Variants in CTNND2 observed in about 807,000 individuals in gnomAD.
CTNND2 encodes the protein catenin delta 2, also known as catenin delta-2.
Under a neutral mutation model 144.4 loss-of-function variants are expected in CTNND2, and 22 were observed. The observed-to-expected ratio is 0.15, with a 90% CI of 0.11 to 0.22. CTNND2 has a LOEUF of 0.22. CTNND2 is among the 10% of genes least tolerant of loss of function. The probability of loss-of-function intolerance (pLI) is 1.00; values close to 1 mark genes in which losing one functional copy is unlikely to be tolerated. For missense variants in CTNND2, 1,353 were observed against 1,618.8 expected (o/e 0.84, Z 2.82); for synonymous variants, 751 against 695.6 (o/e 1.08, Z -1.25).
Position 11,236,697 on chromosome 5 carries a change from T to C in CTNND2, c.1755A>G (p.Lys585=). 2 of 1,614,188 alleles carry C rather than the reference T, an allele frequency of 1.2e-6. No individual in the cohort carries two copies. The highest frequency in any genetic ancestry group is 1.7e-6 in the Non-Finnish European group (2 of 1,180,020). The change falls in exon 10 of 22, where the codon AAA becomes AAG. Residue 585 remains lysine, a synonymous_variant. Coordinates refer to ENST00000304623, the MANE Select transcript of CTNND2 (RefSeq NM_001332.4). The stretch of plus-strand genomic sequence containing the variant: ...GAATCCAAGGAGCACTGACCTCGGC[T>C]TTAATTTTGTTGTCTCCAAAACAGA... ...QHLCFGDNKI[K]AEIRRQGGIQ...
chr5:11,256,479 G>A (rs1744263880), intron 9 of CTNND2, among the ~76,000 whole-genome samples: 1 of 152,118 alleles, frequency 6.6e-6, no homozygotes, highest in Non-Finnish European at 1.5e-5. Flanking sequence ...TTCATGCTAA[G>A]TTTAACTCAT....
At chr5:11,467,371 C>T (rs1766779735) in intron 3 of CTNND2, among the ~76,000 whole-genome samples, 1 of 152,222 alleles carries the variant, frequency 6.6e-6, no homozygotes, top group Admixed American at 6.5e-5. Flanking sequence ...GCTCTCTGTC[C>T]TTCTCCCACA....
At chr5:11,404,456 T>C (rs1055431704) in intron 5 of CTNND2, among the ~76,000 whole-genome samples, 2 of 152,022 alleles carry the variant, frequency 1.3e-5, no homozygotes, top group African/African-American at 4.8e-5. Context: ...GGTTAATACA[T>C]ACATTTAACA....
chr5:10,982,515 G>A (rs965049580), intron 20 of CTNND2, among the ~76,000 whole-genome samples: 1 of 152,200 alleles, frequency 6.6e-6, no homozygotes. Context: ...CTTCCTTATG[G>A]GAAACCCTTG....
chr5:11,519,100 G>C (rs1165402403), intron 3 of CTNND2, among the ~76,000 whole-genome samples: 1 of 151,972 alleles, frequency 6.6e-6, no homozygotes, highest in Non-Finnish European at 1.5e-5. Context: ...ATCATTGCAT[G>C]GATGAAGTTA....
chr5:11,696,037 T>C lies in CTNND2; in HGVS notation c.174+36099A>G, dbSNP rs568391059. On this transcript the variant is annotated intron_variant, in intron 2 of 21. Coordinates refer to ENST00000304623, the MANE Select transcript of CTNND2 (RefSeq NM_001332.4). ...CAAATATCTATAATCTACTTTAAAATAGTTAGCATGGATAGTGTGATATTG... is the reference window on the plus strand; with the variant it reads ...CAAATATCTATAATCTACTTTAAAACAGTTAGCATGGATAGTGTGATATTG... Among the ~76,000 whole-genome samples, 519 of 152,326 alleles carry C rather than the reference T, an allele frequency of 3.4e-3. 3 individuals carry two copies. Among genetic ancestry groups the C allele is most frequent in the Non-Finnish European group, 4.7e-3 (320 of 68,022 alleles).
chr5:11,559,997 G>A (rs1776559156), intron 3 of CTNND2, among the ~76,000 whole-genome samples: 1 of 152,066 alleles, frequency 6.6e-6, no homozygotes, highest in Non-Finnish European at 1.5e-5. Context: ...GTTCAATGTG[G>A]CCCACATTGC....
At chr5:11,759,683 A>T (rs1014168950) in intron 1 of CTNND2, among the ~76,000 whole-genome samples, 1 of 152,170 alleles carries the variant, frequency 6.6e-6, no homozygotes, top group African/African-American at 2.4e-5. Context: ...ATAACATTCT[A>T]AGTTAAAGAG....
intron 3 of CTNND2, among the ~76,000 whole-genome samples, chr5:11,558,083 T>C (rs994111667): frequency 5.3e-5 from 8 of 152,194 alleles, no homozygotes; most frequent in African/African-American, 1.9e-4. Flanking sequence ...TAGAAATCCA[T>C]AGCGAAGTTG....
intron 3 of CTNND2, among the ~76,000 whole-genome samples, chr5:11,520,612 C>T (rs1213012514): frequency 1.3e-5 from 2 of 152,214 alleles, no homozygotes; most frequent in Non-Finnish European, 2.9e-5. Context: ...CCATGAGACA[C>T]GCCCAGCCCT....
intron 2 of CTNND2, among the ~76,000 whole-genome samples, chr5:11,680,607 A>C (rs769852221): frequency 9.2e-5 from 14 of 152,198 alleles, no homozygotes; most frequent in Non-Finnish European, 1.6e-4. Context: ...AATGTGCATT[A>C]CGTGCACTTA....
intron 8 of CTNND2, among the ~76,000 whole-genome samples, chr5:11,356,821 C>A (rs1044596951): frequency 6.6e-6 from 1 of 150,634 alleles, no homozygotes; most frequent in African/African-American, 2.4e-5. Context: ...GAAACTGCAA[C>A]AACTCAACAG....
chr5:11,542,829 A>T (rs1774878025), intron 3 of CTNND2, among the ~76,000 whole-genome samples: 1 of 152,060 alleles, frequency 6.6e-6, no homozygotes, highest in Non-Finnish European at 1.5e-5. Flanking sequence ...GGGTCCCCCA[A>T]AACCCACAGC....
At chr5:11,652,127 G>A (rs904506429) in intron 2 of CTNND2, among the ~76,000 whole-genome samples, 3 of 152,158 alleles carry the variant, frequency 2.0e-5, no homozygotes, top group African/African-American at 7.2e-5. Flanking sequence ...CCCAATGTTG[G>A]AGGTGGGTCT....
At chr5:10,976,327 T>C (rs1165234102) in intron 21 of CTNND2, among the ~76,000 whole-genome samples, 1 of 152,158 alleles carries the variant, frequency 6.6e-6, no homozygotes, top group Non-Finnish European at 1.5e-5. Flanking sequence ...GCTGATGAAA[T>C]GACCCCTCCC....
At position 10,992,603 on chromosome 5, in the gene CTNND2, G is replaced by A; in HGVS notation, c.3159C>T (p.Ser1053=). 1.2e-6 allele frequency: 2 copies of A among 1,614,200 alleles called. No individual in the cohort carries two copies. Among genetic ancestry groups the A allele is most frequent in the South Asian group, 1.1e-5 (1 of 91,088 alleles). Residue 1053 remains serine, a synonymous_variant, in exon 19 of 22, where the codon TCC becomes TCT. Transcript: ENST00000304623. ...IERDRQRPYS[S]SRTPSISPVR... The stretch of plus-strand genomic sequence containing the variant: ...CAGGGGAGATGGAGGGCGTGCGGGA[G>A]GAGGAGTAGGGCCTTTGCCGGTCCC...
chr5:11,701,388 T>C (rs1785425578), intron 2 of CTNND2, among the ~76,000 whole-genome samples: 1 of 152,190 alleles, frequency 6.6e-6, no homozygotes, highest in African/African-American at 2.4e-5. Flanking sequence ...AAATCCAAAG[T>C]GAACTTAATT....
In CTNND2 at chr5:11,402,270, C is replaced by T. The variant is rs79192542; in HGVS notation, c.440-5067G>A. Among the ~76,000 whole-genome samples the T allele has an allele frequency of 6.4e-3, 970 of 152,200 alleles. 13 individuals are homozygous for T. The highest frequency in any genetic ancestry group is 0.02 in the Middle Eastern group (6 of 294). ...ACTCATTCTCAAACTTAAACTGCTG[C>T]TTAAATGTCACCTCCCAATATTTTA... On this transcript the variant is annotated intron_variant, in intron 5 of 21. Transcript: ENST00000304623.
chr5:11,200,012 C>CCCTA (rs1193467942), intron 10 of CTNND2, among the ~76,000 whole-genome samples: 4 of 152,142 alleles, frequency 2.6e-5, no homozygotes, highest in Non-Finnish European at 5.9e-5. Flanking sequence ...GATCCTCATT[C>CCCTA]CCTAGACTTA....
Sources: gnomAD v4.1 joint callset for allele counts (sites outside exome capture counted in the v4.1 genomes callset) on GRCh38, gnomAD v4.1.1 for gene constraint, MANE v1.5 for transcripts, NCBI Gene and HGNC (gene_info 2026-07-23, HGNC 2026-07-21) for gene names.